VPS9D1: variants seen among roughly 807,000 people sequenced by gnomAD.
The protein encoded by VPS9D1 is VPS9 domain-containing protein 1.
Under a neutral mutation model 75.8 loss-of-function variants are expected in VPS9D1, and 78 were observed. The observed-to-expected ratio is 1.03, with a 90% CI of 0.86 to 1.24. The LOEUF (loss-of-function observed/expected upper bound fraction) is 1.24. Ranked by LOEUF, VPS9D1 falls within the 50% of genes most tolerant of loss-of-function variation. VPS9D1 has a pLI of 0.00. For missense variants in VPS9D1, 1,057 were observed against 847.7 expected, an observed-to-expected ratio of 1.25 and a Z score of -3.07; for synonymous variants, 481 against 385.6, an observed-to-expected ratio of 1.25 and a Z score of -2.90.
At chr16:89,711,503 G>T in intron 8 of VPS9D1, 91 bp from the exon 9 acceptor site, 1 of 1,270,070 alleles carries the variant, frequency 7.9e-7, no homozygotes, top group Non-Finnish European at 1.1e-6. Flanking sequence ...CCTAGAGACT[G>T]TGGGAGCCCG....
chr16:89,715,441 T>C (rs1167124414), intron 4 of VPS9D1, among the ~76,000 whole-genome samples: 3 of 151,962 alleles, frequency 2.0e-5, no homozygotes, highest in African/African-American at 7.3e-5. Flanking sequence ...TTGGCCAGGA[T>C]GGTCTCGATC....
chr16:89,711,005 G>C lies in VPS9D1; in HGVS notation c.839C>G (p.Pro280Arg). ...CAGGAGCTGCGCGATCGGGTGGTCG[G>C]GGAGGCTGCGGGAGAAGAGGACGTG... is the stretch of plus-strand genomic sequence containing the variant. The part of the protein sequence containing the change: ...TSLVSHLLSL[P>R]DHPIAQLLRR... The change falls in exon 10 of 15, where the codon CCC becomes CGC. Residue 280 changes from proline to arginine, a missense_variant. Pro to Arg is a moderately radical substitution (Grantham distance 103). Transcript: ENST00000389386. 1 of 1,437,804 alleles carries C rather than the reference G, an allele frequency of 7.0e-7. No individual in the cohort carries two copies. The highest frequency in any genetic ancestry group is 1.5e-5 in the South Asian group (1 of 68,204). 89.1% of individuals were successfully genotyped at this position (1,437,804 alleles called of 1,614,324 possible). A position where few individuals can be genotyped will look rare whatever the true frequency, so the allele number is the denominator to read the frequency against.
chr16:89,715,019 GA>G (rs1369821974), intron 4 of VPS9D1, among the ~76,000 whole-genome samples: 1 of 152,058 alleles, frequency 6.6e-6, no homozygotes, highest in Non-Finnish European at 1.5e-5. Flanking sequence ...GAACTCCAAC[GA>G]ACACGTTAGG....
chr16:89,711,152 G>T, intron 9 of VPS9D1, 142 bp from the exon 10 acceptor site: 1 of 1,188,494 alleles, frequency 8.4e-7, no homozygotes, highest in Non-Finnish European at 1.1e-6. Flanking sequence ...CCCCGCCCCC[G>T]CTGGGGAGGT....
chr16:89,711,888 C>T lies in VPS9D1; in HGVS notation c.741G>A (p.Gln247=). 1 of 1,550,886 alleles carries T rather than the reference C, an allele frequency of 6.4e-7. No individual in the cohort carries two copies. Among genetic ancestry groups the T allele is most frequent in the Non-Finnish European group, 8.7e-7 (1 of 1,146,844 alleles). Residue 247 remains glutamine (Q), a synonymous_variant, in exon 8 of 15, where the codon CAG becomes CAA. Coordinates refer to ENST00000389386, the MANE Select transcript of VPS9D1 (RefSeq NM_004913.3). ...ALYAAILEYE[Q]DHDWPKHWKA... ...GGGCCCGTGGGGGACGCACATGGTC[C>T]TGTTCGTACTCCAGGATGGCGGCGT... is the stretch of plus-strand genomic sequence containing the variant.
chr16:89,716,336 A>G (rs1233903493), intron 4 of VPS9D1, 126 bp downstream of exon 4: 12 of 1,424,338 alleles, frequency 8.4e-6, no homozygotes, highest in Non-Finnish European at 1.2e-5. Flanking sequence ...GCTGCACTCC[A>G]GCCTGGGTGA....
chr16:89,718,719 CTTT>C (rs374301742), intron 2 of VPS9D1, among the ~76,000 whole-genome samples: 11 of 145,252 alleles, frequency 7.6e-5, no homozygotes, highest in Non-Finnish European at 9.1e-5. Context: ...TTTTTCTTTT[CTTT>C]TTTTTTTTTT....
At chr16:89,717,593 T>A (rs1395721424) in intron 2 of VPS9D1, 1 of 456,320 alleles carries the variant, frequency 2.2e-6, no homozygotes, top group African/African-American at 2.0e-5. Context: ...AAACTTCTCA[T>A]AGACTCCCAT....
chr16:89,715,735 G>C (rs186916687), intron 4 of VPS9D1, among the ~76,000 whole-genome samples: 174 of 151,980 alleles, frequency 1.1e-3, no homozygotes, highest in African/African-American at 3.8e-3. Context: ...GAGTGCAGTG[G>C]CACAATCTTC....
intron 1 of VPS9D1, chr16:89,719,355 C>T (rs143570565): frequency 1.9e-5 from 11 of 583,412 alleles, no homozygotes; most frequent in Admixed American, 2.2e-5. Context: ...GAGCCAGGGA[C>T]GAGCTGGACC....
Position 89,712,100 on chromosome 16 carries a change from C to T in VPS9D1, c.607-1G>A. The T allele has an allele frequency of 1.3e-6, 2 of 1,548,332 alleles. No individual in the cohort carries two copies. Among genetic ancestry groups the T allele is most frequent in the Non-Finnish European group, 1.7e-6 (2 of 1,146,800 alleles). ...GGCGCTCCTCCATCTTTCTCTGGAG[C>T]TGGGTGCAGAGTCAAGGGGCCGAGC... On this transcript the variant is annotated splice_acceptor_variant, in intron 6 of 14. Coordinates refer to ENST00000389386, the MANE Select transcript of VPS9D1 (RefSeq NM_004913.3). LOFTEE classifies it high-confidence loss of function.
chr16:89,718,545 C>T (rs1051337930), intron 2 of VPS9D1, among the ~76,000 whole-genome samples: 1 of 152,166 alleles, frequency 6.6e-6, no homozygotes, highest in African/African-American at 2.4e-5. Flanking sequence ...CTGGTCCCTT[C>T]CTGCCACTAT....
chr16:89,716,314 C>T, intron 4 of VPS9D1, 148 bp downstream of exon 4: 2 of 1,226,622 alleles, frequency 1.6e-6, no homozygotes, highest in Non-Finnish European at 2.3e-6. Flanking sequence ...TGCCGTGAGC[C>T]AAGATTGAGC....
At position 89,710,812 on chromosome 16, in the gene VPS9D1, C is replaced by T. The variant is rs1219917868; in HGVS notation, c.1032G>A (p.Pro344=). The change falls in exon 10 of 15, where the codon CCG becomes CCA. Residue 344 remains proline, a synonymous_variant. Coordinates refer to ENST00000389386, the MANE Select transcript of VPS9D1 (RefSeq NM_004913.3). ...MLSPPEPSAA[P]RPQDSPPTPP... The stretch of plus-strand genomic sequence containing the variant: ...GCGTGGGGGGACTGTCCTGGGGCCG[C>T]GGGGCTGCGCTGGGCTCGGGCGGGG... The T allele has an allele frequency of 3.3e-6, 5 of 1,537,008 alleles. No individual in the cohort carries two copies. In the Admixed American group the frequency reaches 5.9e-5, roughly 18 times the overall value.
In VPS9D1 at chr16:89,716,784, G is replaced by C; in HGVS notation, c.214C>G (p.Leu72Val). The C allele has an allele frequency of 6.3e-7, 1 of 1,591,174 alleles. No homozygotes were observed. Among genetic ancestry groups the C allele is most frequent in the Non-Finnish European group, 8.5e-7 (1 of 1,173,682 alleles). Reference sequence around the variant, plus strand: ...TCCAGACACTGCTGTGCTAGCTTCAGCATCTTGGAGGTGTCGGGGGGCACA... The same window carrying C: ...TCCAGACACTGCTGTGCTAGCTTCACCATCTTGGAGGTGTCGGGGGGCACA... ...ETVPPDTSKM[L>V]KLAQQCLERA... Residue 72 changes from leucine (L) to valine (V), a missense_variant, in exon 3 of 15, where the codon CTG becomes GTG. Coordinates refer to ENST00000389386, the MANE Select transcript of VPS9D1 (RefSeq NM_004913.3).
At position 89,709,848 on chromosome 16, in the gene VPS9D1, C is replaced by G; in HGVS notation, c.1317G>C (p.Lys439Asn). ...AFEGLNTAASKDRCLACIEEP... is the reference protein window; with the variant it reads ...AFEGLNTAASNDRCLACIEEP... The stretch of plus-strand genomic sequence containing the variant: ...CCTCAATGCAGGCCAGGCAGCGGTC[C>G]TTGGAGGCAGCTGTGTTTAGGCCTT... The change falls in exon 11 of 15, where the codon AAG becomes AAC. Residue 439 changes from lysine to asparagine, a missense_variant. Transcript: ENST00000389386. The G allele has an allele frequency of 6.2e-7, 1 of 1,613,720 alleles. No homozygotes were observed. The highest frequency in any genetic ancestry group is 8.5e-7 in the Non-Finnish European group (1 of 1,179,884).
In VPS9D1 at chr16:89,712,530, G is replaced by C. The variant is rs2060958222; in HGVS notation, c.544-8C>G. The C allele has an allele frequency of 1.9e-6, 3 of 1,611,876 alleles. No homozygotes were observed. The highest frequency in any genetic ancestry group is 1.1e-5 in the South Asian group (1 of 91,034). The stretch of plus-strand genomic sequence containing the variant: ...CCGCTGTAGAGAGAGGGTCTGGGGG[G>C]GGAGGAGGGAGTAAGGCCGACTCCC... On this transcript the variant is annotated splice_polypyrimidine_tract_variant and splice_region_variant and intron_variant, in intron 5 of 14. Coordinates refer to ENST00000389386, the MANE Select transcript of VPS9D1 (RefSeq NM_004913.3).
intron 1 of VPS9D1, chr16:89,719,377 T>C: frequency 1.8e-6 from 1 of 556,400 alleles, no homozygotes; most frequent in East Asian, 4.1e-5. Flanking sequence ...CATTTTCTCC[T>C]CTGACTGCCT....
At chr16:89,719,767 G>A (rs548665945) in intron 1 of VPS9D1, among the ~76,000 whole-genome samples, 1 of 152,312 alleles carries the variant, frequency 6.6e-6, no homozygotes, top group African/African-American at 2.4e-5. Context: ...CGCCCAGGCT[G>A]GAGTGCAGTG....
Sources: allele counts gnomAD v4.1 joint callset (sites outside exome capture counted in the v4.1 genomes callset), GRCh38; gene constraint gnomAD v4.1.1; transcripts MANE v1.5; gene names NCBI Gene and HGNC (gene_info 2026-07-23, HGNC 2026-07-21).